Variants in PRKAA1 observed in about 807,000 individuals in gnomAD.
PRKAA1 encodes 5'-AMP-activated protein kinase catalytic subunit alpha-1.
PRKAA1 carries 23 observed loss-of-function variants against 56.9 expected under a neutral mutation model. The ratio of observed to expected loss-of-function variants is 0.40; its 90% CI spans 0.29 to 0.57. The LOEUF (loss-of-function observed/expected upper bound fraction) is 0.57, where lower values mean the gene tolerates loss of function less well. PRKAA1 is among the 20% of genes least tolerant of loss of function. The probability of loss-of-function intolerance (pLI) is 0.39; values close to 1 mark genes in which losing one functional copy is unlikely to be tolerated. For missense variants in PRKAA1, 413 were observed against 679.7 expected (o/e 0.61, Z 4.36); for synonymous variants, 226 against 227.0 (o/e 1.00, Z 0.04).
At position 40,764,502 on chromosome 5, in the gene PRKAA1, T is replaced by C. The variant is rs1166500807; in HGVS notation, c.1435+12A>G. On this transcript the variant is annotated intron_variant, in intron 8 of 8. Coordinates refer to ENST00000397128, the MANE Select transcript of PRKAA1 (RefSeq NM_006251.6). ...AAGGTCTAATCTATGTTGTTTTGTG[T>C]GATGTACATACCATCAATACTACGG... The C allele has an allele frequency of 1.2e-6, 2 of 1,606,678 alleles. No individual in the cohort carries two copies. Among genetic ancestry groups the C allele is most frequent in the East Asian group, 4.5e-5 (2 of 44,736 alleles).
intron 8 of PRKAA1, chr5:40,764,253 A>G: frequency 4.0e-6 from 1 of 248,910 alleles, no homozygotes; most frequent in South Asian, 1.5e-4. Context: ...AATGCAGCAG[A>G]AAACTATCAC....
chr5:40,768,827 T>G, intron 5 of PRKAA1: 1 of 1,492,678 alleles, frequency 6.7e-7, no homozygotes, highest in Non-Finnish European at 8.9e-7. Context: ...AAATATTAAA[T>G]TCTCCTGTTT....
intron 3 of PRKAA1, 58 bp from the exon 4 acceptor site, chr5:40,771,921 C>A: frequency 6.4e-7 from 1 of 1,550,928 alleles, no homozygotes; most frequent in Non-Finnish European, 8.7e-7. Context: ...ATTGTCCTAT[C>A]TATAATTCTC....
chr5:40,762,857 T>A lies in PRKAA1; in HGVS notation c.1601A>T (p.Asp534Val), dbSNP rs1461908786. The stretch of plus-strand genomic sequence containing the variant: ...GTGACTTCCAGGTCTTGGAGTTAGG[T>A]CAACAGGAGAAGAGTCAAGTGAGGT... Reference protein sequence around the residue: ...SVTSLDSSPVDLTPRPGSHTI... With the variant: ...SVTSLDSSPVVLTPRPGSHTI... Residue 534 changes from aspartate to valine, a missense_variant, in exon 9 of 9, where the codon GAC (aspartate) becomes GTC (valine). Asp to Val is a radical substitution (Grantham distance 152). Coordinates refer to ENST00000397128, the MANE Select transcript of PRKAA1 (RefSeq NM_006251.6). The A allele has an allele frequency of 3.1e-6, 5 of 1,614,034 alleles. No individual in the cohort carries two copies. Among genetic ancestry groups the A allele is most frequent in the Non-Finnish European group, 4.2e-6 (5 of 1,180,036 alleles).
At position 40,775,379 on chromosome 5, in the gene PRKAA1, A is replaced by G. The variant is rs777955102; in HGVS notation, c.363+31T>C. ...GTAAAGGATAAAGGGGAGTTACAAA[A>G]TACATACAGAATTAAAGCAGAACAG... On this transcript the variant is annotated intron_variant, in intron 3 of 8. Transcript: ENST00000397128. The G allele has an allele frequency of 2.6e-6, 4 of 1,524,124 alleles. No homozygotes were observed. The South Asian group carries it at 4.5e-5, about 17-fold the overall frequency. 94.4% of individuals were successfully genotyped at this position (1,524,124 alleles called of 1,614,324 possible). A position where few individuals can be genotyped will look rare whatever the true frequency, so the allele number is the denominator to read the frequency against.
Position 40,765,002 on chromosome 5 carries a change from A to G in PRKAA1, c.1058T>C (p.Leu353Ser). Residue 353 changes from leucine (L) to serine (S), a missense_variant, in exon 7 of 9, where the codon TTG becomes TCG. This residue lies in a region of PRKAA1 where 50 missense variants were observed against 87.7 expected (regional missense o/e 0.57). Coordinates refer to ENST00000397128, the MANE Select transcript of PRKAA1 (RefSeq NM_006251.6). ...RIMNEAKDFY[L>S]ATSPPDSFLD... Reference sequence around the variant, plus strand: ...AAAAGAATCAGGTGGGCTTGTCGCCAAATAGAAATCTTTGGCTTCATTCAT... The same window carrying G: ...AAAAGAATCAGGTGGGCTTGTCGCCGAATAGAAATCTTTGGCTTCATTCAT... 7 of 1,614,216 alleles carry G rather than the reference A, an allele frequency of 4.3e-6. No homozygotes were observed. The highest frequency in any genetic ancestry group is 5.9e-6 in the Non-Finnish European group (7 of 1,180,032).
At chr5:40,763,097 CTTCT>C in intron 8 of PRKAA1, 75 bp from the exon 9 acceptor site, 2 of 1,508,514 alleles carry the variant, frequency 1.3e-6, no homozygotes, top group Non-Finnish European at 1.8e-6. Context: ...ATTGAATTTG[CTTCT>C]TTAAGTGGGG....
chr5:40,769,395 A>C, intron 5 of PRKAA1, 21 bp downstream of exon 5: 1 of 1,545,458 alleles, frequency 6.5e-7, no homozygotes, highest in Non-Finnish European at 8.9e-7. Flanking sequence ...GTATTGAGGG[A>C]GGCAGGGTAT....
At chr5:40,763,871 A>C (rs1743301457) in intron 8 of PRKAA1, among the ~76,000 whole-genome samples, 1 of 152,188 alleles carries the variant, frequency 6.6e-6, no homozygotes, top group Non-Finnish European at 1.5e-5. Context: ...AAGAAGAAAA[A>C]AATTCAAACG....
At chr5:40,776,095 G>T (rs761018163) in intron 2 of PRKAA1, among the ~76,000 whole-genome samples, 1 of 152,204 alleles carries the variant, frequency 6.6e-6, no homozygotes, top group Non-Finnish European at 1.5e-5. Context: ...GCAGCAATGT[G>T]AAGAATTAAC....
Position 40,763,084 on chromosome 5 carries a change from A to G in PRKAA1, c.1436-62T>C, listed in dbSNP as rs929490512. The G allele has an allele frequency of 8.3e-6, 13 of 1,566,006 alleles. No individual in the cohort carries two copies. In the East Asian group the frequency reaches 2.7e-4, roughly 33 times the overall value. ...ACCTTCTCCCAAAAATTTTTGTAAC[A>G]GTATTGAATTTGCTTCTTTAAGTGG... On this transcript the variant is annotated intron_variant, in intron 8 of 8. Coordinates refer to ENST00000397128, the MANE Select transcript of PRKAA1 (RefSeq NM_006251.6).
chr5:40,770,834 G>A lies in PRKAA1; in HGVS notation c.508+885C>T, dbSNP rs1021423676. The stretch of plus-strand genomic sequence containing the variant: ...TCGAACTCCTGACCTCAGGTGATCC[G>A]CCCGCCTCGGCCTCCCAAAATGCTG... On this transcript the variant is annotated intron_variant, in intron 4 of 8. Transcript: ENST00000397128. 4.0e-5 allele frequency among the ~76,000 whole-genome samples: 6 copies of A among 151,630 alleles called. No homozygotes were observed. The East Asian group carries it at 7.8e-4, about 20-fold the overall frequency.
intron 1 of PRKAA1, among the ~76,000 whole-genome samples, chr5:40,778,138 T>G (rs1744102361): frequency 1.3e-5 from 2 of 152,030 alleles, no homozygotes; most frequent in Non-Finnish European, 2.9e-5. Context: ...TAATCCCAGC[T>G]ACTTGGGAGG....
chr5:40,767,621 G>A lies in PRKAA1; in HGVS notation c.666C>T (p.Thr222=), dbSNP rs377342173. Residue 222 remains threonine (T), a synonymous_variant, in exon 6 of 9, where the codon ACC becomes ACT. Transcript: ENST00000397128. ...GVILYALLCG[T]LPFDDDHVPT... is the part of the protein sequence containing the mutation. ...GCACATGGTCATCATCAAATGGAAGGGTTCCACATAATAAAGCATAGAGAA... is the reference window on the plus strand; with the variant it reads ...GCACATGGTCATCATCAAATGGAAGAGTTCCACATAATAAAGCATAGAGAA... 3 of 1,613,472 alleles carry A rather than the reference G, an allele frequency of 1.9e-6. No homozygotes were observed. The highest frequency in any genetic ancestry group is 2.5e-6 in the Non-Finnish European group (3 of 1,179,714).
rs1453800698 is a variant in PRKAA1 at position 40,759,416 on chromosome 5, T to C, written c.*3362A>G. 1 of 152,274 alleles carries C rather than the reference T, an allele frequency of 6.6e-6. No individual in the cohort carries two copies. Among genetic ancestry groups the C allele is most frequent in the Non-Finnish European group, 1.5e-5 (1 of 68,022 alleles). 9.4% of individuals were successfully genotyped at this position (152,274 alleles called of 1,614,324 possible). Reference sequence around the variant, plus strand: ...AATGGAGTTTTTCTTTATTATATCATATTTCTAAATCAAGGAAGCTGAAAT... The same window carrying C: ...AATGGAGTTTTTCTTTATTATATCACATTTCTAAATCAAGGAAGCTGAAAT... On this transcript the variant is annotated 3_prime_UTR_variant, in exon 9 of 9. Transcript: ENST00000397128.
intron 1 of PRKAA1, among the ~76,000 whole-genome samples, chr5:40,791,532 G>T (rs1365168286): frequency 6.6e-6 from 1 of 152,178 alleles, no homozygotes; most frequent in African/African-American, 2.4e-5. Flanking sequence ...ATCCTGAAGG[G>T]AAACAAGATC....
intron 1 of PRKAA1, among the ~76,000 whole-genome samples, chr5:40,779,400 A>T (rs181525717): frequency 4.6e-5 from 7 of 152,312 alleles, no homozygotes; most frequent in Non-Finnish European, 8.8e-5. Flanking sequence ...TTTTTAAAAG[A>T]TTTATTTGAG....
Position 40,765,049 on chromosome 5 carries a change from G to A in PRKAA1, c.1011C>T (p.Leu337=), listed in dbSNP as rs1219317602. Reference sequence around the variant, plus strand: ...TCATTATTCTCCTGTTATCTATTATGAGATGGTAGGCAACTGCCAAAGGAT... The same window carrying A: ...TCATTATTCTCCTGTTATCTATTATAAGATGGTAGGCAACTGCCAAAGGAT... The part of the protein sequence containing the change: ...HQDPLAVAYH[L]IIDNRRIMNE... The change falls in exon 7 of 9, where the codon CTC becomes CTT. Residue 337 remains leucine, a synonymous_variant. Transcript: ENST00000397128. The A allele has an allele frequency of 4.3e-6, 7 of 1,614,160 alleles. No homozygotes were observed. The highest frequency in any genetic ancestry group is 5.9e-6 in the Non-Finnish European group (7 of 1,179,998).
At chr5:40,790,807 G>A (rs538446299) in intron 1 of PRKAA1, among the ~76,000 whole-genome samples, 1 of 152,178 alleles carries the variant, frequency 6.6e-6, no homozygotes, top group Non-Finnish European at 1.5e-5. Flanking sequence ...CAAAAGTGCT[G>A]GGATTACAGG....
Sources: gnomAD v4.1 joint callset for allele counts (sites outside exome capture counted in the v4.1 genomes callset) on GRCh38, gnomAD v4.1.1 for gene constraint, gnomAD v4.1.1 regional missense constraint, MANE v1.5 for transcripts, NCBI Gene and HGNC (gene_info 2026-07-23, HGNC 2026-07-21) for gene names.